SPAG16: variants seen among roughly 807,000 people sequenced by gnomAD.
SPAG16 encodes sperm-associated antigen 16 protein.
Under a neutral mutation model 80.4 loss-of-function variants are expected in SPAG16, and 86 were observed. The observed-to-expected ratio is 1.07, with a 90% CI of 0.90 to 1.28. SPAG16 has a LOEUF of 1.28. Among genes scored for constraint, SPAG16 ranks in the 50% most tolerant of loss-of-function variants. SPAG16 has a pLI of 0.00. For missense variants in SPAG16, 870 were observed against 765.3 expected (o/e 1.14, Z -1.61); for synonymous variants, 294 against 265.9 (o/e 1.11, Z -1.03).
rs533898093 is a variant in SPAG16 at position 213,748,838 on chromosome 2, C to A, written c.1071-113647C>A. Reference sequence around the variant, plus strand: ...TGTGAAAAAATACTTTCATTTGCCTCATTCTTTACCTGTTAAAAAGCCTCT... The same window carrying A: ...TGTGAAAAAATACTTTCATTTGCCTAATTCTTTACCTGTTAAAAAGCCTCT... On this transcript the variant is annotated intron_variant, in intron 10 of 15. Coordinates refer to ENST00000331683, the MANE Select transcript of SPAG16 (RefSeq NM_024532.5). 6.6e-5 allele frequency among the ~76,000 whole-genome samples: 10 copies of A among 152,188 alleles called. No homozygotes were observed. In the South Asian group the frequency reaches 1.9e-3, roughly 28 times the overall value.
chr2:213,497,602 C>G (rs1271444908), intron 10 of SPAG16, among the ~76,000 whole-genome samples: 1 of 151,934 alleles, frequency 6.6e-6, no homozygotes, highest in Non-Finnish European at 1.5e-5. Flanking sequence ...ATTTTTCATT[C>G]TCTTTTAATT....
At chr2:213,305,029 G>A (rs1282445351) in intron 3 of SPAG16, among the ~76,000 whole-genome samples, 1 of 151,882 alleles carries the variant, frequency 6.6e-6, no homozygotes, top group Non-Finnish European at 1.5e-5. Context: ...TTTTCATTTT[G>A]TTGTTTCTTT....
intron 15 of SPAG16, among the ~76,000 whole-genome samples, chr2:214,271,008 G>T (rs376737644): frequency 5.3e-5 from 8 of 152,192 alleles, no homozygotes; most frequent in Admixed American, 3.9e-4. Context: ...TAAAAGTCTA[G>T]GAAATGATTT....
At chr2:213,415,708 G>A (rs1446698239) in intron 9 of SPAG16, among the ~76,000 whole-genome samples, 1 of 152,148 alleles carries the variant, frequency 6.6e-6, no homozygotes, top group East Asian at 1.9e-4. Context: ...AGGTTTTGGA[G>A]GAGAGGATAT....
intron 13 of SPAG16, among the ~76,000 whole-genome samples, chr2:214,023,082 A>T (rs758591157): frequency 6.6e-6 from 1 of 151,912 alleles, no homozygotes; most frequent in African/African-American, 2.4e-5. Context: ...CCATTTTATT[A>T]TGCCTTTTAT....
chr2:213,304,534 C>T (rs1192376167), intron 3 of SPAG16, among the ~76,000 whole-genome samples: 1 of 151,990 alleles, frequency 6.6e-6, no homozygotes, highest in Non-Finnish European at 1.5e-5. Context: ...GTCTTTAATC[C>T]ATTTTGATTT....
intron 9 of SPAG16, among the ~76,000 whole-genome samples, chr2:213,410,669 C>G (rs2068917339): frequency 1.3e-5 from 2 of 152,212 alleles, no homozygotes; most frequent in Admixed American, 6.5e-5. Context: ...TACCAAGATG[C>G]AAATGCCTAG....
At chr2:214,241,520 C>T (rs1317200018) in intron 15 of SPAG16, 5 of 152,144 alleles carry the variant, frequency 3.3e-5, no homozygotes, top group African/African-American at 7.2e-5. Context: ...CCCTTACATG[C>T]AGTATCAGTA....
At chr2:214,121,726 A>C (rs1163001462) in intron 14 of SPAG16, among the ~76,000 whole-genome samples, 1 of 151,904 alleles carries the variant, frequency 6.6e-6, no homozygotes. Context: ...TAAGGTGAAA[A>C]TTCAACACCT....
At chr2:213,724,357 CA>C (rs2066658304) in intron 10 of SPAG16, among the ~76,000 whole-genome samples, 1 of 152,072 alleles carries the variant, frequency 6.6e-6, no homozygotes, top group African/African-American at 2.4e-5. Context: ...GTAACTTTAG[CA>C]TTAAGGATAG....
intron 9 of SPAG16, among the ~76,000 whole-genome samples, chr2:213,413,004 G>A (rs1260199724): frequency 1.3e-5 from 2 of 151,970 alleles, no homozygotes. Flanking sequence ...ATAATGTGAG[G>A]ATCTTTATAA....
At chr2:213,918,753 G>C (rs1484223383) in intron 11 of SPAG16, among the ~76,000 whole-genome samples, 1 of 152,074 alleles carries the variant, frequency 6.6e-6, no homozygotes, top group Non-Finnish European at 1.5e-5. Flanking sequence ...GTCTTTATCA[G>C]CAGCATGAAA....
chr2:214,145,114 AATT>A (rs2055572695), intron 14 of SPAG16, among the ~76,000 whole-genome samples: 1 of 152,034 alleles, frequency 6.6e-6, no homozygotes, highest in African/African-American at 2.4e-5. Context: ...ATAGTATTTT[AATT>A]ATTTATTTAA....
intron 13 of SPAG16, among the ~76,000 whole-genome samples, chr2:214,017,907 A>G (rs1319483731): frequency 6.6e-6 from 1 of 152,174 alleles, no homozygotes; most frequent in Non-Finnish European, 1.5e-5. Flanking sequence ...AATACTAGAA[A>G]AAAGGCTCTA....
intron 12 of SPAG16, among the ~76,000 whole-genome samples, chr2:213,993,051 G>C (rs1339716723): frequency 6.6e-6 from 1 of 152,150 alleles, no homozygotes; most frequent in Non-Finnish European, 1.5e-5. Context: ...AACACAAGTG[G>C]ATCATGTTGA....
At chr2:213,589,769 A>T (rs1483525794) in intron 10 of SPAG16, among the ~76,000 whole-genome samples, 5 of 152,176 alleles carry the variant, frequency 3.3e-5, no homozygotes, top group African/African-American at 9.6e-5. Context: ...TAAAAATATA[A>T]AAATTAGCTG....
intron 12 of SPAG16, among the ~76,000 whole-genome samples, chr2:214,012,288 A>ATATATATATTTT (rs1553694500): frequency 2.1e-5 from 1 of 46,818 alleles, no homozygotes; most frequent in African/African-American, 1.2e-4. Flanking sequence ...ATATATATAT[A>ATATATATATTTT]TTTTTTTTTT....
intron 15 of SPAG16, among the ~76,000 whole-genome samples, chr2:214,304,998 G>A (rs930617017): frequency 6.6e-6 from 1 of 152,142 alleles, no homozygotes; most frequent in Admixed American, 6.5e-5. Flanking sequence ...CATCCACCAT[G>A]AGTAAGTGTT....
chr2:213,782,229 A>G (rs2070035443), intron 10 of SPAG16, among the ~76,000 whole-genome samples: 1 of 151,952 alleles, frequency 6.6e-6, no homozygotes, highest in African/African-American at 2.4e-5. Context: ...AGAGGGATGG[A>G]AAGATGAAGG....
Sources: gnomAD v4.1 joint callset for allele counts (sites outside exome capture counted in the v4.1 genomes callset) on GRCh38, gnomAD v4.1.1 for gene constraint, MANE v1.5 for transcripts, NCBI Gene and HGNC (gene_info 2026-07-23, HGNC 2026-07-21) for gene names.